Variants in COBLL1 observed in about 807,000 individuals in gnomAD.
The protein encoded by COBLL1 is cordon-bleu protein-like 1.
In COBLL1, 50 loss-of-function variants were observed where a neutral mutation model predicts 94.8. The observed-to-expected ratio is 0.53, with a 90% CI of 0.42 to 0.67. The LOEUF is 0.67. Ranked by LOEUF, COBLL1 falls within the 30% of genes least tolerant of loss-of-function variation. The pLI, the probability that COBLL1 is intolerant of heterozygous loss-of-function variation, is 0.00. For synonymous variants in COBLL1, 448 were observed against 473.8 expected (o/e 0.95, Z 0.71); for missense variants, 1,362 against 1,348.7 (o/e 1.01, Z -0.15).
At chr2:164,821,306 C>T (rs1232574067) in intron 2 of COBLL1, among the ~76,000 whole-genome samples, 1 of 152,214 alleles carries the variant, frequency 6.6e-6, no homozygotes, top group Non-Finnish European at 1.5e-5. Context: ...TGCCATCCCA[C>T]TCTCCACACC....
chr2:164,796,442 A>G (rs1195616594), intron 2 of COBLL1, among the ~76,000 whole-genome samples: 1 of 152,222 alleles, frequency 6.6e-6, no homozygotes, highest in Non-Finnish European at 1.5e-5. Flanking sequence ...ACAGCATTTC[A>G]TCTTGGTATA....
intron 2 of COBLL1, among the ~76,000 whole-genome samples, chr2:164,756,857 T>C (rs1220763803): frequency 1.3e-5 from 2 of 152,206 alleles, no homozygotes; most frequent in African/African-American, 4.8e-5. Flanking sequence ...TCGTGGTTTG[T>C]GTCTGGGTCT....
chr2:164,809,102 T>TGACTTA (rs1438393824), intron 2 of COBLL1, among the ~76,000 whole-genome samples: 1 of 152,110 alleles, frequency 6.6e-6, no homozygotes, highest in East Asian at 1.9e-4. Flanking sequence ...AGTGTTTTTT[T>TGACTTA]GACTTAGAGG....
chr2:164,749,907 T>C (rs1473913810), intron 2 of COBLL1, among the ~76,000 whole-genome samples: 1 of 152,196 alleles, frequency 6.6e-6, no homozygotes, highest in African/African-American at 2.4e-5. Context: ...TCAAGTCCTC[T>C]GTGAGGGATT....
intron 11 of COBLL1, 26 bp from the exon 12 acceptor site, chr2:164,695,862 A>C (rs778362504): frequency 1.1e-5 from 16 of 1,506,312 alleles, no homozygotes; most frequent in Non-Finnish European, 8.9e-6. Flanking sequence ...CATCAAGTTA[A>C]ATATATGAAA....
chr2:164,663,957 AT>A (rs929054569), intron 2 of COBLL1, among the ~76,000 whole-genome samples: 1 of 152,244 alleles, frequency 6.6e-6, no homozygotes, highest in African/African-American at 2.4e-5. Flanking sequence ...GAAATTAAAA[AT>A]AAATGAAAAT....
chr2:164,701,595 T>A (rs1228263422), intron 9 of COBLL1, among the ~76,000 whole-genome samples: 2 of 152,194 alleles, frequency 1.3e-5, no homozygotes, highest in Non-Finnish European at 2.9e-5. Context: ...ACTTACAATA[T>A]CTTAAATATC....
At chr2:164,749,097 T>G (rs912616381) in intron 2 of COBLL1, among the ~76,000 whole-genome samples, 1 of 152,002 alleles carries the variant, frequency 6.6e-6, no homozygotes, top group African/African-American at 2.4e-5. Flanking sequence ...ATCCTTAAAA[T>G]AGATAAAAAG....
intron 3 of COBLL1, among the ~76,000 whole-genome samples, chr2:164,742,956 A>T (rs1260087944): frequency 6.6e-6 from 1 of 152,192 alleles, no homozygotes. Context: ...GTGAAAGAAC[A>T]AGACCAAGTC....
intron 2 of COBLL1, chr2:164,779,720 G>A (rs1358185918): frequency 2.1e-6 from 1 of 470,950 alleles, no homozygotes; most frequent in Admixed American, 2.4e-5. Flanking sequence ...CCTCCAAACA[G>A]AGACCACACA....
At chr2:164,789,405 C>CTAT (rs1683063548) in intron 2 of COBLL1, among the ~76,000 whole-genome samples, 1 of 152,020 alleles carries the variant, frequency 6.6e-6, no homozygotes, top group Admixed American at 6.6e-5. Flanking sequence ...CATATCCTGT[C>CTAT]TTACAAGGCT....
At chr2:164,798,259 T>C (rs1683572781) in intron 2 of COBLL1, among the ~76,000 whole-genome samples, 1 of 152,252 alleles carries the variant, frequency 6.6e-6, no homozygotes, top group African/African-American at 2.4e-5. Flanking sequence ...ATTTACTTTG[T>C]TGTATAAAAG....
intron 2 of COBLL1, among the ~76,000 whole-genome samples, chr2:164,789,779 A>T (rs182203448): frequency 6.6e-6 from 1 of 152,202 alleles, no homozygotes; most frequent in Admixed American, 6.5e-5. Context: ...CTCTGCTGTT[A>T]CCCCCTTTAA....
chr2:164,672,118 T>C (rs1487623037), intron 1 of COBLL1, among the ~76,000 whole-genome samples: 1 of 152,176 alleles, frequency 6.6e-6, no homozygotes, highest in African/African-American at 2.4e-5. Context: ...TGCATAGAGA[T>C]GAACACACAG....
intron 4 of COBLL1, among the ~76,000 whole-genome samples, chr2:164,729,303 A>T (rs1685866031): frequency 6.6e-6 from 1 of 151,778 alleles, no homozygotes; most frequent in South Asian, 2.1e-4. Context: ...TGATGTTCAT[A>T]ATGAGAGTAT....
intron 2 of COBLL1, among the ~76,000 whole-genome samples, chr2:164,659,756 T>A (rs1242948975): frequency 6.6e-6 from 1 of 152,178 alleles, no homozygotes. Flanking sequence ...AATCTTTCCT[T>A]CTTGCAATAA....
chr2:164,750,748 GCCC>G (rs1254693851), intron 2 of COBLL1, among the ~76,000 whole-genome samples: 1 of 152,078 alleles, frequency 6.6e-6, no homozygotes, highest in Non-Finnish European at 1.5e-5. Flanking sequence ...TGGCTTGCAG[GCCC>G]CAAATGAGCT....
At chr2:164,730,791 GTT>G (rs1343752950) in intron 3 of COBLL1, among the ~76,000 whole-genome samples, 2 of 152,128 alleles carry the variant, frequency 1.3e-5, no homozygotes, top group African/African-American at 4.8e-5. Context: ...TGGTTACAAA[GTT>G]CTCATAAGAA....
chr2:164,709,669 A>C (rs569942996), intron 7 of COBLL1, among the ~76,000 whole-genome samples: 2 of 152,270 alleles, frequency 1.3e-5, no homozygotes, highest in South Asian at 2.1e-4. Context: ...GTAAGCCAAG[A>C]TTGCGCCACT....
Sources: allele counts gnomAD v4.1 joint callset (sites outside exome capture counted in the v4.1 genomes callset), GRCh38; gene constraint gnomAD v4.1.1; transcripts MANE v1.5; gene names NCBI Gene and HGNC (gene_info 2026-07-23, HGNC 2026-07-21).